Variants in KANK1 observed in about 807,000 individuals in gnomAD.
KANK1 encodes KN motif and ankyrin repeat domain-containing protein 1.
In KANK1, 109 loss-of-function variants were observed where a neutral mutation model predicts 106.2. That is an observed-to-expected ratio of 1.03 (90% CI 0.88 to 1.20). KANK1 has a LOEUF of 1.20. Ranked by LOEUF, KANK1 falls within the 50% of genes most tolerant of loss-of-function variation. The pLI, the probability that KANK1 is intolerant of heterozygous loss-of-function variation, is 0.00. For missense variants in KANK1, 2,399 were observed against 1,710.7 expected (o/e 1.40, Z -7.10); for synonymous variants, 873 against 652.2 (o/e 1.34, Z -5.16).
At chr9:700,798 G>T (rs1822470363) in intron 2 of KANK1, among the ~76,000 whole-genome samples, 1 of 152,186 alleles carries the variant, frequency 6.6e-6, no homozygotes, top group Non-Finnish European at 1.5e-5. Context: ...TGAAAGTTGT[G>T]GCACAGGGGT....
intron 1 of KANK1, among the ~76,000 whole-genome samples, chr9:597,984 G>T (rs1826649737): frequency 1.3e-5 from 2 of 151,688 alleles, no homozygotes; most frequent in Admixed American, 1.3e-4. Flanking sequence ...TTTCTTCTAA[G>T]AAGTTATGCT....
chr9:607,904 T>C (rs1199653702), intron 1 of KANK1, among the ~76,000 whole-genome samples: 1 of 151,606 alleles, frequency 6.6e-6, no homozygotes, highest in African/African-American at 2.4e-5. Flanking sequence ...TTTACCTGGT[T>C]GTATTGTAAT....
At chr9:488,246 G>A (rs1330108424) in intron 3 of KANK1, among the ~76,000 whole-genome samples, 2 of 152,152 alleles carry the variant, frequency 1.3e-5, no homozygotes, top group Admixed American at 1.3e-4. Context: ...GCAATCAGTG[G>A]TCTAGCCTCA....
intron 1 of KANK1, among the ~76,000 whole-genome samples, chr9:561,159 G>A (rs1021585624): frequency 1.3e-5 from 2 of 152,190 alleles, no homozygotes; most frequent in Admixed American, 1.3e-4. Flanking sequence ...GGGTGGAAAG[G>A]AGAGCAAAGT....
At chr9:563,221 ATAG>A (rs1246447184) in intron 1 of KANK1, among the ~76,000 whole-genome samples, 2 of 151,998 alleles carry the variant, frequency 1.3e-5, no homozygotes, top group East Asian at 3.9e-4. Context: ...CTGACCCTTA[ATAG>A]AAAATAATTT....
At chr9:504,647 C>G (rs1156944295), upstream of KANK1, 1 of 151,378 alleles carries the variant, frequency 6.6e-6, no homozygotes, top group Non-Finnish European at 1.5e-5. Flanking sequence ...TTAATTCTGG[C>G]GCTTGCCAGC....
intron 1 of KANK1, among the ~76,000 whole-genome samples, chr9:576,862 A>G (rs1244419116): frequency 6.6e-6 from 1 of 152,070 alleles, no homozygotes; most frequent in African/African-American, 2.4e-5. Context: ...GAAAGCTTGT[A>G]TTGTGTCCGG....
intron 1 of KANK1, among the ~76,000 whole-genome samples, chr9:598,700 G>A (rs748310617): frequency 2.5e-5 from 3 of 121,748 alleles, no homozygotes; most frequent in East Asian, 4.8e-4. Flanking sequence ...GCACGACCTC[G>A]GCTCACTGCA....
intron 1 of KANK1, among the ~76,000 whole-genome samples, chr9:521,860 G>T (rs1286191178): frequency 6.6e-6 from 1 of 151,576 alleles, no homozygotes; most frequent in Non-Finnish European, 1.5e-5. Context: ...GAGCCACTGT[G>T]CCTGGCTCAG....
At chr9:694,234 C>T (rs780140684) in intron 2 of KANK1, among the ~76,000 whole-genome samples, 1 of 152,150 alleles carries the variant, frequency 6.6e-6, no homozygotes, top group African/African-American at 2.4e-5. Context: ...CCCCACCTCC[C>T]CCTGGCCAAA....
chr9:555,204 A>G (rs1163824472), intron 1 of KANK1, among the ~76,000 whole-genome samples: 1 of 152,202 alleles, frequency 6.6e-6, no homozygotes, highest in Non-Finnish European at 1.5e-5. Flanking sequence ...GCCATTTCCT[A>G]GTCTTATACC....
rs115669377 is a variant in KANK1 at position 654,953 on chromosome 9, G to C, written c.-83-21937G>C. The stretch of plus-strand genomic sequence containing the variant: ...ACACGTTTTGAGAACCACTGGAATA[G>C]ACCAATAACTCTCAAATGTAGCAGT... On this transcript the variant is annotated intron_variant, in intron 1 of 11. Coordinates refer to ENST00000382297, the MANE Select transcript of KANK1 (RefSeq NM_015158.5). Among the ~76,000 whole-genome samples the C allele has an allele frequency of 5.2e-3, 797 of 152,196 alleles. 4 individuals are homozygous for C. Among genetic ancestry groups the C allele is most frequent in the African/African-American group, 0.018 (750 of 41,500 alleles).
chr9:699,965 G>A (rs1454265900), intron 2 of KANK1, among the ~76,000 whole-genome samples: 1 of 152,156 alleles, frequency 6.6e-6, no homozygotes, highest in African/African-American at 2.4e-5. Flanking sequence ...CTGAGTGACA[G>A]AGCAAGACCC....
At chr9:606,187 C>G (rs2135997795) in intron 1 of KANK1, among the ~76,000 whole-genome samples, 1 of 149,672 alleles carries the variant, frequency 6.7e-6, no homozygotes, top group Non-Finnish European at 1.5e-5. Context: ...ACACACCACT[C>G]ACACATATAT....
Position 509,974 on chromosome 9 carries a change from C to CT in KANK1, c.-84+5234dup, listed in dbSNP as rs113370848. On this transcript the variant is annotated intron_variant, in intron 1 of 11. Transcript: ENST00000382297. The stretch of plus-strand genomic sequence containing the variant: ...TGCCACTGCACTCAGCTAATTTTTC[C>CT]TTTTTTTTTTTTTTAGTTGTAGAGA... 4.4e-3 allele frequency among the ~76,000 whole-genome samples: 635 copies of CT among 143,282 alleles called. 3 individuals are homozygous for CT. The highest frequency in any genetic ancestry group is 0.015 in the Middle Eastern group (4 of 270). 94.0% of individuals were successfully genotyped at this position (143,282 alleles called of 152,430 possible). A position where few individuals can be genotyped will look rare whatever the true frequency, so the allele number is the denominator to read the frequency against.
intron 1 of KANK1, among the ~76,000 whole-genome samples, chr9:604,274 G>A (rs930391478): frequency 9.2e-5 from 14 of 151,662 alleles, no homozygotes; most frequent in Admixed American, 3.9e-4. Context: ...CATTGTACTG[G>A]TGATGTGGTT....
intron 1 of KANK1, among the ~76,000 whole-genome samples, chr9:539,946 T>C (rs2060505287): frequency 6.6e-6 from 1 of 152,256 alleles, no homozygotes; most frequent in Admixed American, 6.5e-5. Flanking sequence ...GGTGAAGTTC[T>C]GAAGGTTTTC....
intron 1 of KANK1, among the ~76,000 whole-genome samples, chr9:559,749 G>C (rs1310943713): frequency 6.6e-6 from 1 of 152,170 alleles, no homozygotes; most frequent in Non-Finnish European, 1.5e-5. Context: ...ATGTGACCCA[G>C]AAGGCTTTCA....
At chr9:627,966 A>G (rs994489385) in intron 1 of KANK1, among the ~76,000 whole-genome samples, 2 of 152,190 alleles carry the variant, frequency 1.3e-5, no homozygotes, top group Non-Finnish European at 2.9e-5. Context: ...AAAAAGAAAA[A>G]CACAGAATCT....
Sources: gnomAD v4.1 joint callset for allele counts (sites outside exome capture counted in the v4.1 genomes callset) on GRCh38, gnomAD v4.1.1 for gene constraint, MANE v1.5 for transcripts, NCBI Gene and HGNC (gene_info 2026-07-23, HGNC 2026-07-21) for gene names.